The following FIGN variants were observed in gnomAD, a reference collection of about 807,000 sequenced individuals.
FIGN encodes fidgetin, microtubule severing factor.
FIGN carries 11 observed loss-of-function variants against 51.3 expected under a neutral mutation model. The observed-to-expected ratio is 0.21, with a 90% CI of 0.13 to 0.35. The LOEUF is 0.35. Among genes scored for constraint, FIGN ranks in the 10% least tolerant of loss-of-function variants. The pLI is 1.00. For synonymous variants in FIGN, 407 were observed against 363.2 expected (o/e 1.12, Z -1.37); for missense variants, 857 against 943.6 (o/e 0.91, Z 1.20).
At chr2:163,727,954 A>G (rs1684864024) in intron 2 of FIGN, among the ~76,000 whole-genome samples, 1 of 152,114 alleles carries the variant, frequency 6.6e-6, no homozygotes, top group South Asian at 2.1e-4. Context: ...GAGTCATATG[A>G]CTCTAATTTT....
At chr2:163,698,416 G>C (rs1684356673) in intron 2 of FIGN, among the ~76,000 whole-genome samples, 1 of 151,874 alleles carries the variant, frequency 6.6e-6, no homozygotes, top group Non-Finnish European at 1.5e-5. Context: ...GCCACTCCTA[G>C]TCTCCCAATG....
chr2:163,637,850 G>A (rs1473096991), intron 2 of FIGN, among the ~76,000 whole-genome samples: 1 of 152,106 alleles, frequency 6.6e-6, no homozygotes, highest in Non-Finnish European at 1.5e-5. Flanking sequence ...TAGGCAGGAT[G>A]TGACTTTTGC....
At chr2:163,682,964 T>C (rs1339239851) in intron 2 of FIGN, among the ~76,000 whole-genome samples, 3 of 152,094 alleles carry the variant, frequency 2.0e-5, no homozygotes, top group African/African-American at 4.8e-5. Flanking sequence ...TGTCAAAGTT[T>C]CTTCTTCTTC....
At chr2:163,624,449 C>T (rs1379419919) in intron 2 of FIGN, among the ~76,000 whole-genome samples, 2 of 151,116 alleles carry the variant, frequency 1.3e-5, no homozygotes, top group Admixed American at 1.3e-4. Context: ...AAGAGAGACA[C>T]AAAAGGTGAC....
chr2:163,680,296 C>G (rs987803908), intron 2 of FIGN, among the ~76,000 whole-genome samples: 3 of 152,170 alleles, frequency 2.0e-5, no homozygotes, highest in African/African-American at 4.8e-5. Flanking sequence ...TCTTTCCAGA[C>G]CATTTCTCTT....
Position 163,610,914 on chromosome 2 carries a change from C to G in FIGN, c.918G>C (p.Ser306=). The G allele has an allele frequency of 1.2e-6, 2 of 1,612,240 alleles. No individual in the cohort carries two copies. The highest frequency in any genetic ancestry group is 4.5e-5 in the East Asian group (2 of 44,726). Residue 306 remains serine (S), a synonymous_variant, in exon 3 of 3, where the codon TCG becomes TCC. Coordinates refer to ENST00000333129, the MANE Select transcript of FIGN (RefSeq NM_018086.4). ...QGHGLTPIAP[S]ALTNSSASSL... ...AACTTGCTGAACTGTTTGTCAGAGC[C>G]GACGGTGCAATAGGTGTCAAACCAT...
intron 2 of FIGN, among the ~76,000 whole-genome samples, chr2:163,720,750 T>C (rs538425190): frequency 3.3e-5 from 5 of 152,258 alleles, no homozygotes; most frequent in African/African-American, 1.2e-4. Flanking sequence ...ACACTGTCAT[T>C]TGTTGCAAAG....
At chr2:163,734,007 C>T (rs1684972619) in intron 2 of FIGN, among the ~76,000 whole-genome samples, 1 of 142,546 alleles carries the variant, frequency 7.0e-6, no homozygotes, top group African/African-American at 2.6e-5. Context: ...AATACTTTAA[C>T]ATCTTTTTGT....
At chr2:163,698,476 A>C (rs927390536) in intron 2 of FIGN, among the ~76,000 whole-genome samples, 2 of 151,994 alleles carry the variant, frequency 1.3e-5, no homozygotes, top group Non-Finnish European at 2.9e-5. Context: ...TGAAGCTGAG[A>C]CAATGCAGGT....
In FIGN at chr2:163,610,437, G is replaced by C. The variant is rs745572184; in HGVS notation, c.1395C>G (p.Asp465Glu). The C allele has an allele frequency of 6.2e-7, 1 of 1,614,026 alleles. No homozygotes were observed. Among genetic ancestry groups the C allele is most frequent in the Non-Finnish European group, 8.5e-7 (1 of 1,180,044 alleles). Residue 465 changes from aspartate (D) to glutamate (E), a missense_variant, in exon 3 of 3, where the codon GAC (aspartate) becomes GAG (glutamate). Physicochemically the swap from Asp to Glu is conservative, Grantham distance 45 (BLOSUM62 2). Transcript: ENST00000333129. ...TGGTTACCAGGTCGATGAGGTGCGTGTCAGTATTCTTCAGTTGCTCGTCCA... is the reference window on the plus strand; with the variant it reads ...TGGTTACCAGGTCGATGAGGTGCGTCTCAGTATTCTTCAGTTGCTCGTCCA... ...HSVDEQLKNT[D>E]THLIDLVTNE...
intron 2 of FIGN, among the ~76,000 whole-genome samples, chr2:163,627,570 GC>G (rs572370137): frequency 6.6e-6 from 1 of 152,102 alleles, no homozygotes; most frequent in East Asian, 1.9e-4. Context: ...GCAGACATCC[GC>G]CAAAAGATAC....
At position 163,610,020 on chromosome 2, in the gene FIGN, C is replaced by T. The variant is rs1691201036; in HGVS notation, c.1812G>A (p.Arg604=). The change falls in exon 3 of 3, where the codon CGG becomes CGA. Residue 604 remains arginine, a synonymous_variant. Transcript: ENST00000333129. ...GTTGCATCAGAAATTCGGTTCTCATCCGACTGACTGGACTATGTTCCTCAT... is the reference window on the plus strand; with the variant it reads ...GTTGCATCAGAAATTCGGTTCTCATTCGACTGACTGGACTATGTTCCTCAT... ...QVNEEHSPVS[R]MRTEFLMQLD... is the part of the protein sequence containing the mutation. The T allele has an allele frequency of 6.2e-7, 1 of 1,614,096 alleles. No individual in the cohort carries two copies. The highest frequency in any genetic ancestry group is 8.5e-7 in the Non-Finnish European group (1 of 1,180,022).
chr2:163,671,167 G>A (rs1683869189), intron 2 of FIGN, among the ~76,000 whole-genome samples: 1 of 152,126 alleles, frequency 6.6e-6, no homozygotes, highest in Non-Finnish European at 1.5e-5. Flanking sequence ...TGAAGGTGTG[G>A]CATGTAACCT....
chr2:163,704,452 T>A (rs941192986), intron 2 of FIGN, among the ~76,000 whole-genome samples: 2 of 152,032 alleles, frequency 1.3e-5, no homozygotes, highest in African/African-American at 4.8e-5. Flanking sequence ...TTAAGCTAAA[T>A]CTGAAATTCA....
intron 2 of FIGN, among the ~76,000 whole-genome samples, chr2:163,616,559 T>A (rs552392417): frequency 7.0e-4 from 106 of 152,252 alleles, no homozygotes; most frequent in African/African-American, 2.2e-3. Flanking sequence ...GGCAGGGACC[T>A]GAGGCAAACA....
In FIGN at chr2:163,629,083, T is replaced by A. The variant is rs561500607; in HGVS notation, c.26-17277A>T. Among the ~76,000 whole-genome samples the A allele has an allele frequency of 2.0e-5, 3 of 152,230 alleles. No individual in the cohort carries two copies. In the East Asian group the frequency reaches 5.8e-4, roughly 29 times the overall value. On this transcript the variant is annotated intron_variant, in intron 2 of 2. Transcript: ENST00000333129. ...TTTGGGAGTCTTAAGCATATGGGAATCCACTGAAACTATGGTAATGGAAGA... is the reference window on the plus strand; with the variant it reads ...TTTGGGAGTCTTAAGCATATGGGAAACCACTGAAACTATGGTAATGGAAGA...
intron 2 of FIGN, among the ~76,000 whole-genome samples, chr2:163,614,724 T>G (rs750851821): frequency 4.7e-4 from 71 of 152,240 alleles, no homozygotes; most frequent in Middle Eastern, 3.4e-3. Flanking sequence ...TCCTTTCAGT[T>G]TGCTGAGCTA....
At chr2:163,666,181 G>T (rs1228211370) in intron 2 of FIGN, among the ~76,000 whole-genome samples, 1 of 152,172 alleles carries the variant, frequency 6.6e-6, no homozygotes, top group Admixed American at 6.5e-5. Flanking sequence ...AAGGAGTAAA[G>T]GACAGGAGTA....
chr2:163,687,558 C>T lies in FIGN; in HGVS notation c.25+47345G>A, dbSNP rs549546674. ...GAGGTAACTGAGACTGGTCAACTGA[C>T]TTCACATGAAAGAATTACTCTTGAG... is the stretch of plus-strand genomic sequence containing the variant. On this transcript the variant is annotated intron_variant, in intron 2 of 2. Coordinates refer to ENST00000333129, the MANE Select transcript of FIGN (RefSeq NM_018086.4). Among the ~76,000 whole-genome samples the T allele has an allele frequency of 5.9e-5, 9 of 152,254 alleles. No individual in the cohort carries two copies. The South Asian group carries it at 1.9e-3, about 32-fold the overall frequency.
Sources: allele counts gnomAD v4.1 joint callset (sites outside exome capture counted in the v4.1 genomes callset), GRCh38; gene constraint gnomAD v4.1.1; transcripts MANE v1.5; gene names NCBI Gene and HGNC (gene_info 2026-07-23, HGNC 2026-07-21).